The following DISC1 variants were observed in gnomAD, a reference collection of about 807,000 sequenced individuals.
DISC1 encodes the protein disrupted in schizophrenia 1 protein.
In DISC1, 57 loss-of-function variants were observed where a neutral mutation model predicts 84.5. The observed-to-expected ratio is 0.67, with a 90% CI of 0.55 to 0.84. The LOEUF (loss-of-function observed/expected upper bound fraction) is 0.84. DISC1 is among the 40% of genes least tolerant of loss of function. The pLI, the probability that DISC1 is intolerant of heterozygous loss-of-function variation, is 0.00. For missense variants in DISC1, 1,000 were observed against 1,057.8 expected, an observed-to-expected ratio of 0.95 and a Z score of 0.76; for synonymous variants, 411 against 415.2, an observed-to-expected ratio of 0.99 and a Z score of 0.12.
At chr1:231,949,470 G>A (rs1558770034) in intron 9 of DISC1, among the ~76,000 whole-genome samples, 1 of 152,168 alleles carries the variant, frequency 6.6e-6, no homozygotes, top group African/African-American at 2.4e-5. Flanking sequence ...ATGGGAAGTT[G>A]TTCTGACCTC....
intron 2 of DISC1, among the ~76,000 whole-genome samples, chr1:231,700,370 TG>T (rs1244789051): frequency 1.3e-5 from 2 of 152,246 alleles, no homozygotes; most frequent in South Asian, 2.1e-4. Context: ...TTTTTTATGA[TG>T]TTTTTCGTCA....
intron 1 of DISC1, among the ~76,000 whole-genome samples, chr1:231,635,421 A>G (rs902301368): frequency 2.0e-5 from 3 of 151,102 alleles, no homozygotes; most frequent in Non-Finnish European, 4.4e-5. Context: ...TTTACCACCT[A>G]GCAAATCAAT....
chr1:231,732,080 C>G (rs771283249), intron 3 of DISC1, among the ~76,000 whole-genome samples: 29 of 152,204 alleles, frequency 1.9e-4, no homozygotes, highest in Non-Finnish European at 3.5e-4. Context: ...ACCTTGGACC[C>G]CTGCTCAGCC....
At chr1:231,838,442 A>C (rs997242083) in intron 9 of DISC1, among the ~76,000 whole-genome samples, 7 of 152,338 alleles carry the variant, frequency 4.6e-5, no homozygotes, top group Admixed American at 3.9e-4. Flanking sequence ...TAAGGGAGGA[A>C]TAAACAGTTG....
intron 10 of DISC1, among the ~76,000 whole-genome samples, chr1:232,000,322 A>C (rs761184991): frequency 6.6e-6 from 1 of 152,234 alleles, no homozygotes; most frequent in Non-Finnish European, 1.5e-5. Context: ...ATCTCACTGC[A>C]TAGGCTCAAT....
At chr1:231,883,079 C>T (rs557492300) in intron 9 of DISC1, among the ~76,000 whole-genome samples, 8 of 152,032 alleles carry the variant, frequency 5.3e-5, no homozygotes, top group African/African-American at 7.2e-5. Flanking sequence ...ATGAGACAGG[C>T]GCCCACTGCT....
chr1:231,969,186 G>GTTTTTTTTTTTTTTTTTTTTTTT (rs71573149), intron 10 of DISC1, among the ~76,000 whole-genome samples: 1 of 91,654 alleles, frequency 1.1e-5, no homozygotes, highest in African/African-American at 4.3e-5. Flanking sequence ...ACACTCAGCG[G>GTTTTTTTTTTTTTTTTTTTTTTT]TTTTTTTTTT....
intron 10 of DISC1, among the ~76,000 whole-genome samples, chr1:231,963,848 A>G (rs1277694489): frequency 6.6e-6 from 1 of 152,128 alleles, no homozygotes; most frequent in Non-Finnish European, 1.5e-5. Context: ...TGAGAGGGTC[A>G]TGATCCATGT....
intron 9 of DISC1, among the ~76,000 whole-genome samples, chr1:231,881,113 AG>A (rs142164859): frequency 0.029 from 4,352 of 152,172 alleles, 215 homozygotes; most frequent in African/African-American, 0.1. Context: ...AAAAGTTTAT[AG>A]GGATGGTTTC....
At chr1:231,641,319 C>T (rs1377370463) in intron 1 of DISC1, among the ~76,000 whole-genome samples, 1 of 151,928 alleles carries the variant, frequency 6.6e-6, no homozygotes, top group Non-Finnish European at 1.5e-5. Flanking sequence ...TTTCTTCTTT[C>T]TAGTGGGTTC....
intron 1 of DISC1, among the ~76,000 whole-genome samples, chr1:231,681,719 G>A (rs908778443): frequency 4.6e-5 from 7 of 151,644 alleles, no homozygotes; most frequent in African/African-American, 1.7e-4. Context: ...TTTTTAGAAG[G>A]AGTTTTACTC....
At chr1:231,750,372 G>C in intron 4 of DISC1, 1 of 1,173,804 alleles carries the variant, frequency 8.5e-7, no homozygotes, top group East Asian at 4.5e-5. Flanking sequence ...TAAGAAGGTG[G>C]GGGTAATTTC....
intron 1 of DISC1, among the ~76,000 whole-genome samples, chr1:231,641,990 TG>T (rs1273955921): frequency 1.3e-5 from 2 of 152,148 alleles, no homozygotes; most frequent in African/African-American, 2.4e-5. Flanking sequence ...CTGGGCGCTG[TG>T]GAGCAGGGGG....
chr1:231,663,838 GT>G (rs1233242704), intron 1 of DISC1, among the ~76,000 whole-genome samples: 1 of 152,086 alleles, frequency 6.6e-6, no homozygotes, highest in African/African-American at 2.4e-5. Flanking sequence ...AATGATTACT[GT>G]TATATAGATG....
chr1:231,849,120 TC>T (rs2125892782), intron 9 of DISC1, among the ~76,000 whole-genome samples: 1 of 60,778 alleles, frequency 1.6e-5, no homozygotes, highest in East Asian at 7.4e-4. Context: ...ATTATTATCC[TC>T]ATTTTTTTTT....
chr1:231,802,401 G>A (rs551672566), intron 8 of DISC1, among the ~76,000 whole-genome samples: 17 of 152,016 alleles, frequency 1.1e-4, no homozygotes, highest in Non-Finnish European at 1.8e-4. Flanking sequence ...CTTGCCTTCC[G>A]CCATGATTGT....
Position 231,744,081 on chromosome 1 carries a change from G to A in DISC1, c.1118-5845G>A, listed in dbSNP as rs183909532. Among the ~76,000 whole-genome samples the A allele has an allele frequency of 1.8e-4, 28 of 152,304 alleles. No homozygotes were observed. In the East Asian group the frequency reaches 4.8e-3, roughly 26 times the overall value. On this transcript the variant is annotated intron_variant, in intron 3 of 12. Coordinates refer to ENST00000439617, the MANE Select transcript of DISC1 (RefSeq NM_018662.3). ...TTTTAATTTAGACTTGAGTCTTATC[G>A]AAATGGCCTCCTTAGAAAATGGCTT... is the stretch of plus-strand genomic sequence containing the variant.
At chr1:231,805,485 G>A (rs962680955) in intron 8 of DISC1, among the ~76,000 whole-genome samples, 1 of 152,128 alleles carries the variant, frequency 6.6e-6, no homozygotes. Flanking sequence ...AGAGCAGGAG[G>A]AGGGGGGTGG....
chr1:231,856,136 T>C (rs1302160242), intron 9 of DISC1, among the ~76,000 whole-genome samples: 1 of 152,176 alleles, frequency 6.6e-6, no homozygotes, highest in Non-Finnish European at 1.5e-5. Context: ...AGATGGGAGA[T>C]GGGTTGCCCA....
Sources: gnomAD v4.1 joint callset for allele counts (sites outside exome capture counted in the v4.1 genomes callset) on GRCh38, gnomAD v4.1.1 for gene constraint, MANE v1.5 for transcripts, NCBI Gene and HGNC (gene_info 2026-07-23, HGNC 2026-07-21) for gene names.